Variants in TENT4B observed in about 807,000 individuals in gnomAD.
TENT4B encodes the protein PAP associated domain containing 5.
A neutral mutation model predicts 75.0 loss-of-function variants in TENT4B; 10 were observed. That is an observed-to-expected ratio of 0.13 (90% CI 0.08 to 0.23). The LOEUF (loss-of-function observed/expected upper bound fraction) is 0.23. TENT4B is among the 10% of genes least tolerant of loss of function. The pLI is 1.00. For synonymous variants in TENT4B, 350 were observed against 357.7 expected (o/e 0.98, Z 0.24); for missense variants, 579 against 893.8 (o/e 0.65, Z 4.49).
chr16:50,228,423 G>A (rs2032152035), intron 11 of TENT4B, among the ~76,000 whole-genome samples: 1 of 152,194 alleles, frequency 6.6e-6, no homozygotes, highest in South Asian at 2.1e-4. Flanking sequence ...GTCAGGCGTG[G>A]TCAGTTGATT....
chr16:50,157,240 G>A (rs558810087), intron 1 of TENT4B, among the ~76,000 whole-genome samples: 1 of 152,234 alleles, frequency 6.6e-6, no homozygotes, highest in East Asian at 1.9e-4. Context: ...ATAGTCTCTC[G>A]CAGCTGTCTT....
chr16:50,158,218 CTG>C (rs1309782937), intron 1 of TENT4B, among the ~76,000 whole-genome samples: 1 of 152,106 alleles, frequency 6.6e-6, no homozygotes, highest in Non-Finnish European at 1.5e-5. Context: ...TCCCGAGTAA[CTG>C]GGATTACAGG....
intron 5 of TENT4B, among the ~76,000 whole-genome samples, chr16:50,219,220 T>C (rs1268139457): frequency 6.6e-6 from 1 of 152,226 alleles, no homozygotes; most frequent in Non-Finnish European, 1.5e-5. Flanking sequence ...CCTTACACCA[T>C]AGATACTTAG....
At chr16:50,211,249 A>G (rs2031261733) in intron 1 of TENT4B, 74 bp from the exon 2 acceptor site, 1 of 1,402,256 alleles carries the variant, frequency 7.1e-7, no homozygotes, top group African/African-American at 1.5e-5. Context: ...ACTTAATTAG[A>G]TAAGATTATT....
intron 1 of TENT4B, among the ~76,000 whole-genome samples, chr16:50,167,550 T>C (rs2038125264): frequency 6.6e-6 from 1 of 151,720 alleles, no homozygotes; most frequent in Non-Finnish European, 1.5e-5. Flanking sequence ...TTGTCATACG[T>C]AAGAAACTGT....
intron 2 of TENT4B, 133 bp downstream of exon 2, chr16:50,211,579 TTAA>T (rs2031280668): frequency 5.6e-6 from 6 of 1,064,666 alleles, no homozygotes; most frequent in Non-Finnish European, 6.1e-6. Flanking sequence ...TAATTAAATT[TTAA>T]AGGCAAACAA....
chr16:50,228,007 T>G lies in TENT4B; in HGVS notation c.1965+4T>G. On this transcript the variant is annotated splice_donor_region_variant and intron_variant, in intron 11 of 11. Coordinates refer to ENST00000561678, the MANE Select transcript of TENT4B (RefSeq NM_001365324.3). ...CAACAGCACCAACAAATCTCAGGTG[T>G]GTGGAACGTGGGTTTTTAATTGTTA... is the stretch of plus-strand genomic sequence containing the variant. The G allele has an allele frequency of 6.2e-7, 1 of 1,612,664 alleles. No homozygotes were observed. Among genetic ancestry groups the G allele is most frequent in the Non-Finnish European group, 8.5e-7 (1 of 1,179,044 alleles).
intron 1 of TENT4B, among the ~76,000 whole-genome samples, chr16:50,159,706 A>G (rs2037967936): frequency 1.3e-5 from 2 of 152,192 alleles, no homozygotes; most frequent in African/African-American, 2.4e-5. Flanking sequence ...TATAGCCCAC[A>G]GTAATTCTTA....
At chr16:50,160,798 A>G (rs1460849959) in intron 1 of TENT4B, among the ~76,000 whole-genome samples, 1 of 152,134 alleles carries the variant, frequency 6.6e-6, no homozygotes. Flanking sequence ...CTTTTGTATG[A>G]TTTCACACAG....
intron 1 of TENT4B, among the ~76,000 whole-genome samples, chr16:50,204,681 A>G (rs150297483): frequency 1.3e-5 from 2 of 152,300 alleles, no homozygotes; most frequent in African/African-American, 2.4e-5. Flanking sequence ...AAGAAAATCA[A>G]ACAGTACAAA....
chr16:50,223,462 CT>C, intron 7 of TENT4B, 75 bp downstream of exon 7: 1 of 977,232 alleles, frequency 1.0e-6, no homozygotes, highest in Non-Finnish European at 1.5e-6. Context: ...TTTAAATTCT[CT>C]TTAGATGAAA....
intron 1 of TENT4B, among the ~76,000 whole-genome samples, chr16:50,155,268 C>CGTGGGTGT (rs2037870782): frequency 6.6e-5 from 2 of 30,082 alleles, no homozygotes; most frequent in Non-Finnish European, 1.5e-4. Flanking sequence ...TTTTGGGTCT[C>CGTGGGTGT]GTGGGTGTGT....
intron 1 of TENT4B, among the ~76,000 whole-genome samples, chr16:50,188,967 A>G (rs958224837): frequency 3.3e-5 from 5 of 152,178 alleles, no homozygotes; most frequent in African/African-American, 4.8e-5. Context: ...GTAACCATTT[A>G]TAGGACATCT....
At chr16:50,170,625 A>T (rs1396848365) in intron 1 of TENT4B, among the ~76,000 whole-genome samples, 3 of 151,820 alleles carry the variant, frequency 2.0e-5, no homozygotes, top group African/African-American at 4.9e-5. Flanking sequence ...TTCCTGGGGA[A>T]GTCAGTAGAC....
chr16:50,176,174 C>A (rs541239118), intron 1 of TENT4B, among the ~76,000 whole-genome samples: 1 of 151,402 alleles, frequency 6.6e-6, no homozygotes, highest in African/African-American at 2.4e-5. Flanking sequence ...GCAACCTCTG[C>A]CTCCTGGACT....
intron 3 of TENT4B, among the ~76,000 whole-genome samples, chr16:50,214,970 CA>C (rs2031475302): frequency 6.6e-6 from 1 of 152,182 alleles, no homozygotes; most frequent in African/African-American, 2.4e-5. Flanking sequence ...CCCTCGCTTT[CA>C]AATTAAGAAC....
At chr16:50,218,010 G>T (rs1169565556) in intron 5 of TENT4B, among the ~76,000 whole-genome samples, 1 of 151,286 alleles carries the variant, frequency 6.6e-6, no homozygotes, top group Admixed American at 6.6e-5. Context: ...CCTGGCCTTA[G>T]CCTCCCAAAG....
intron 1 of TENT4B, among the ~76,000 whole-genome samples, chr16:50,162,701 T>C (rs551414315): frequency 1.3e-5 from 2 of 152,334 alleles, no homozygotes; most frequent in South Asian, 2.1e-4. Context: ...TTTAACTTTT[T>C]TTTGTCTTTG....
chr16:50,233,346 C>T lies in TENT4B; in HGVS notation c.*4018C>T. ...TGTGGGTAGAATAAGTGTTAAAGATCAAATTTTAATATGCTTCTCGATATT... is the reference window on the plus strand; with the variant it reads ...TGTGGGTAGAATAAGTGTTAAAGATTAAATTTTAATATGCTTCTCGATATT... On this transcript the variant is annotated 3_prime_UTR_variant, in exon 12 of 12. Coordinates refer to ENST00000561678, the MANE Select transcript of TENT4B (RefSeq NM_001365324.3). 1 of 985,396 alleles carries T rather than the reference C, an allele frequency of 1.0e-6. No homozygotes were observed. The highest frequency in any genetic ancestry group is 1.2e-6 in the Non-Finnish European group (1 of 829,920). 61.0% of individuals were successfully genotyped at this position (985,396 alleles called of 1,614,324 possible).
Sources: allele counts gnomAD v4.1 joint callset (sites outside exome capture counted in the v4.1 genomes callset), GRCh38; gene constraint gnomAD v4.1.1; transcripts MANE v1.5; gene names NCBI Gene and HGNC (gene_info 2026-07-23, HGNC 2026-07-21).